Variants in G6PC2 observed in about 807,000 individuals in gnomAD.
G6PC2 encodes glucose-6-phosphatase 2.
G6PC2 carries 41 observed loss-of-function variants against 35.4 expected under a neutral mutation model. The ratio of observed to expected loss-of-function variants is 1.16; its 90% confidence interval spans 0.90 to 1.50. The LOEUF (loss-of-function observed/expected upper bound fraction) is 1.50, where lower values mean the gene tolerates loss of function less well. G6PC2 is among the 40% of genes most tolerant of loss of function. The pLI is 0.00. For missense variants in G6PC2, 441 were observed against 426.5 expected, an observed-to-expected ratio of 1.03 and a Z score of -0.30; for synonymous variants, 165 against 153.2, an observed-to-expected ratio of 1.08 and a Z score of -0.57.
Position 168,904,485 on chromosome 2 carries a change from C to A in G6PC2, c.329-20C>A. 7.7e-7 allele frequency: 1 copy of A among 1,291,144 alleles called. No homozygotes were observed. The highest frequency in any genetic ancestry group is 1.1e-6 in the Non-Finnish European group (1 of 885,150). The allele number at this position is 1,291,144 out of a possible 1,614,324, so 80.0% of individuals were successfully genotyped here. ...GATAGTTAACCACTTTTCAAATGGA[C>A]GGACACTTTGTTGTTGCAGGAAGTC... On this transcript the variant is annotated intron_variant, in intron 2 of 4. Transcript: ENST00000375363.
In G6PC2 at chr2:168,908,174, C is replaced by A; in HGVS notation, c.*95C>A. 1 of 1,034,430 alleles carries A rather than the reference C, an allele frequency of 9.7e-7. No individual in the cohort carries two copies. The highest frequency in any genetic ancestry group is 1.5e-6 in the Non-Finnish European group (1 of 660,366). The allele number at this position is 1,034,430 out of a possible 1,614,324, so 64.1% of individuals were successfully genotyped here. A position where few individuals can be genotyped will look rare whatever the true frequency, so the allele number is the denominator to read the frequency against. On this transcript the variant is annotated 3_prime_UTR_variant, in exon 5 of 5. Transcript: ENST00000375363. The stretch of plus-strand genomic sequence containing the variant: ...AGGCACAGACCAGAGGCTTCTAATC[C>A]GACTTCACAGAATAGCGGCACAGGC...
At chr2:168,903,629 A>G (rs1243343375) in intron 2 of G6PC2, among the ~76,000 whole-genome samples, 1 of 152,114 alleles carries the variant, frequency 6.6e-6, no homozygotes, top group African/African-American at 2.4e-5. Context: ...AGAGAGAGAA[A>G]AGAAAGAAAG....
intron 4 of G6PC2, among the ~76,000 whole-genome samples, chr2:168,907,211 A>G (rs1690732568): frequency 6.6e-6 from 1 of 152,160 alleles, no homozygotes; most frequent in South Asian, 2.1e-4. Flanking sequence ...AGCAGTGTTC[A>G]CCATGACTCA....
In G6PC2 at chr2:168,901,293, C is replaced by A; in HGVS notation, c.-39C>A. ...AACGGTGGGAATCAGAGCACTTCAG[C>A]TCCAATTGCTCTATGTTTAGAATTG... On this transcript the variant is annotated 5_prime_UTR_variant, in exon 1 of 5. Transcript: ENST00000375363. The A allele has an allele frequency of 1.8e-6, 2 of 1,133,466 alleles. No individual in the cohort carries two copies. The highest frequency in any genetic ancestry group is 2.7e-6 in the Non-Finnish European group (2 of 742,056). The allele number at this position is 1,133,466 out of a possible 1,614,324, so 70.2% of individuals were successfully genotyped here.
chr2:168,906,869 T>C, intron 4 of G6PC2, 90 bp downstream of exon 4: 2 of 799,880 alleles, frequency 2.5e-6, no homozygotes, highest in Non-Finnish European at 4.5e-6. Context: ...GGTAATCAAC[T>C]TTCCAATTTC....
chr2:168,906,868 C>G, intron 4 of G6PC2, 89 bp downstream of exon 4: 2 of 803,630 alleles, frequency 2.5e-6, no homozygotes, highest in East Asian at 4.9e-5. Flanking sequence ...CGGTAATCAA[C>G]TTTCCAATTT....
rs34631431 is a variant in G6PC2 at position 168,908,452 on chromosome 2, G to T, written c.*373G>T. On this transcript the variant is annotated 3_prime_UTR_variant, in exon 5 of 5. Coordinates refer to ENST00000375363, the MANE Select transcript of G6PC2 (RefSeq NM_021176.3). ...CACAGTCTTCAGCATCCCAGCAGGA[G>T]CCCCACTATGATTCCTTTATCTTCT... is the stretch of plus-strand genomic sequence containing the variant. 4.0e-5 allele frequency: 12 copies of T among 302,348 alleles called. No individual in the cohort carries two copies. In the South Asian group the frequency reaches 4.8e-4, roughly 12 times the overall value. 18.7% of individuals were successfully genotyped at this position (302,348 alleles called of 1,614,324 possible).
rs139679743 is a variant in G6PC2, at chr2:168,903,870, T to A, written c.329-635T>A. Among the ~76,000 whole-genome samples the A allele has an allele frequency of 5.4e-3, 823 of 152,260 alleles. 5 individuals carry two copies. Among genetic ancestry groups the A allele is most frequent in the African/African-American group, 0.019 (783 of 41,538 alleles). ...AGTAGAAAGGCTTTTTCTGCTAGGA[T>A]TAATGCCGTCTTTATAGCTTCTCCT... On this transcript the variant is annotated intron_variant, in intron 2 of 4. Coordinates refer to ENST00000375363, the MANE Select transcript of G6PC2 (RefSeq NM_021176.3).
At chr2:168,902,840 C>T (rs1015620983) in intron 2 of G6PC2, 6 of 433,006 alleles carry the variant, frequency 1.4e-5, no homozygotes, top group Non-Finnish European at 2.1e-5. Context: ...GATACTAAAA[C>T]AAGAAACAGT....
Position 168,907,638 on chromosome 2 carries a change from G to A in G6PC2, c.627G>A (p.Lys209=), listed in dbSNP as rs2232324. Residue 209 remains lysine (K), a synonymous_variant, in exon 5 of 5, where the codon AAG becomes AAA. Transcript: ENST00000375363. ...CGGCCAGTCTGGGCACATACCTGAA[G>A]ACCAACCTCTTTCTCTTCCTGTTTG... is the stretch of plus-strand genomic sequence containing the variant. ...IQTASLGTYL[K]TNLFLFLFAV... The A allele has an allele frequency of 2.2e-3, 3,482 of 1,613,948 alleles. 8 individuals are homozygous for A. Among genetic ancestry groups the A allele is most frequent in the Non-Finnish European group, 2.6e-3 (3,068 of 1,179,842 alleles).
Position 168,909,169 on chromosome 2 carries a change from T to G in G6PC2, c.*1090T>G, listed in dbSNP as rs904188557. ...CTTTGACTTATACCCCACACATACA[T>G]GCAGGGTCTAGGTGGGACCAACAGT... On this transcript the variant is annotated 3_prime_UTR_variant, in exon 5 of 5. Transcript: ENST00000375363. 6.6e-6 allele frequency: 1 copy of G among 152,164 alleles called. No homozygotes were observed. Among genetic ancestry groups the G allele is most frequent in the African/African-American group, 2.4e-5 (1 of 41,438 alleles). The allele number at this position is 152,164 out of a possible 1,614,324, so 9.4% of individuals were successfully genotyped here.
In G6PC2 at chr2:168,906,735, T is replaced by G. The variant is rs145050507; in HGVS notation, c.512T>G (p.Ile171Arg). 6.7e-5 allele frequency: 107 copies of G among 1,601,056 alleles called. No individual in the cohort carries two copies. Among genetic ancestry groups the G allele is most frequent in the Admixed American group, 3.0e-4 (18 of 60,002 alleles). Residue 171 changes from isoleucine to arginine, a missense_variant, in exon 4 of 5, where the codon ATA becomes AGA. Ile to Arg is a moderately conservative substitution (Grantham distance 97). Coordinates refer to ENST00000375363, the MANE Select transcript of G6PC2 (RefSeq NM_021176.3). Reference protein sequence around the residue: ...QISVCISRVFIATHFPHQVIL... With the variant: ...QISVCISRVFRATHFPHQVIL... ...AGTGTCTGCATCTCCAGAGTATTCA[T>G]AGCAACACATTTTCCTCATCAAGTT...
chr2:168,905,937 T>A (rs894608036), intron 3 of G6PC2, among the ~76,000 whole-genome samples: 3 of 151,232 alleles, frequency 2.0e-5, no homozygotes, highest in Non-Finnish European at 2.9e-5. Flanking sequence ...TAGAACTCAA[T>A]ACTGCTAACA....
chr2:168,904,366 T>C, intron 2 of G6PC2, 139 bp from the exon 3 acceptor site: 1 of 749,120 alleles, frequency 1.3e-6, no homozygotes, highest in Non-Finnish European at 2.5e-6. Context: ...TACCCACTTC[T>C]AAACATTACA....
At chr2:168,901,743 T>G (rs72884847) in intron 1 of G6PC2, among the ~76,000 whole-genome samples, 194 bp downstream of exon 1, 14 of 121,916 alleles carry the variant, frequency 1.1e-4, no homozygotes, top group African/African-American at 2.7e-4. Flanking sequence ...TTTTGTTTTT[T>G]TTTTTTTTTT....
rs1268823173 is a variant in G6PC2, at chr2:168,907,829, T to G, written c.818T>G (p.Ile273Ser). ...LGVLFGLGFA[I>S]NSEMFLLSCR... ...GTCCTCTTTGGCTTGGGCTTTGCAA[T>G]CAACTCAGAGATGTTCCTCCTGAGC... The change falls in exon 5 of 5, where the codon ATC (isoleucine) becomes AGC (serine). Residue 273 changes from isoleucine to serine, a missense_variant. Ile to Ser is a moderately radical substitution (Grantham distance 142, BLOSUM62 -2). Transcript: ENST00000375363. 1 of 1,614,076 alleles carries G rather than the reference T, an allele frequency of 6.2e-7. No individual in the cohort carries two copies. Among genetic ancestry groups the G allele is most frequent in the South Asian group, 1.1e-5 (1 of 91,066 alleles).
At position 168,904,604 on chromosome 2, in the gene G6PC2, T is replaced by C; in HGVS notation, c.428T>C (p.Ile143Thr). The C allele has an allele frequency of 3.2e-6, 5 of 1,578,580 alleles. No homozygotes were observed. The highest frequency in any genetic ancestry group is 4.4e-6 in the Non-Finnish European group (5 of 1,147,568). ...GTCTGTGGGATGGATAAGTTCTCTA[T>C]CACTCTGCACAGGTCAGCTTTGCTG... Reference protein sequence around the residue: ...HTVCGMDKFSITLHRLTWSFL... With the variant: ...HTVCGMDKFSTTLHRLTWSFL... The change falls in exon 3 of 5, where the codon ATC becomes ACC. Residue 143 changes from isoleucine to threonine, a missense_variant. Physicochemically the swap from Ile to Thr is moderately conservative, Grantham distance 89. Coordinates refer to ENST00000375363, the MANE Select transcript of G6PC2 (RefSeq NM_021176.3).
chr2:168,909,391 T>C lies in G6PC2; in HGVS notation c.*1312T>C, dbSNP rs960494525. On this transcript the variant is annotated 3_prime_UTR_variant, in exon 5 of 5. Transcript: ENST00000375363. ...TTATCTCTTCACTATGACATCTCCA[T>C]ACTTTATTTTTAGGAGACAGACTTT... 6.6e-6 allele frequency: 1 copy of C among 152,232 alleles called. No individual in the cohort carries two copies. Among genetic ancestry groups the C allele is most frequent in the Non-Finnish European group, 1.5e-5 (1 of 68,030 alleles). 9.4% of individuals were successfully genotyped at this position (152,232 alleles called of 1,614,324 possible).
chr2:168,907,977 G>A lies in G6PC2; in HGVS notation c.966G>A (p.Val322=). 6.2e-7 allele frequency: 1 copy of A among 1,613,756 alleles called. No homozygotes were observed. Among genetic ancestry groups the A allele is most frequent in the Non-Finnish European group, 8.5e-7 (1 of 1,179,714 alleles). ...CTCACGAAGAGCATTTATTTTATGT[G>A]CTGTCTTTTTGTAAAAGTGCATCCA... is the stretch of plus-strand genomic sequence containing the variant. The part of the protein sequence containing the change: ...IPTHEEHLFY[V]LSFCKSASIP... The change falls in exon 5 of 5, where the codon GTG becomes GTA. Residue 322 remains valine (V), a synonymous_variant. Transcript: ENST00000375363.
Sources: allele counts gnomAD v4.1 joint callset (sites outside exome capture counted in the v4.1 genomes callset), GRCh38; gene constraint gnomAD v4.1.1; transcripts MANE v1.5; gene names NCBI Gene and HGNC (gene_info 2026-07-23, HGNC 2026-07-21).